LARS1: variants seen among roughly 807,000 people sequenced by gnomAD.
LARS1 encodes leucyl-tRNA synthetase 1, also known as leucine--tRNA ligase, cytoplasmic.
Under a neutral mutation model 162.8 loss-of-function variants are expected in LARS1, and 100 were observed. That is an observed-to-expected ratio of 0.61 (90% CI 0.52 to 0.73). The LOEUF (loss-of-function observed/expected upper bound fraction) is 0.73, where lower values mean the gene tolerates loss of function less well. Among genes scored for constraint, LARS1 ranks in the 30% least tolerant of loss-of-function variants. The pLI is 0.00. For synonymous variants in LARS1, 457 were observed against 462.8 expected (o/e 0.99, Z 0.16); for missense variants, 1,258 against 1,408.9 (o/e 0.89, Z 1.71).
chr5:146,153,131 T>TATC (rs758069135), intron 13 of LARS1, 43 bp downstream of exon 13: 2 of 1,435,040 alleles, frequency 1.4e-6, no homozygotes, highest in Admixed American at 1.8e-5. Context: ...TTTTCTCTGA[T>TATC]AAAGAGATGG....
intron 6 of LARS1, 53 bp downstream of exon 6, chr5:146,164,257 T>C (rs200063676): frequency 1.5e-5 from 23 of 1,518,084 alleles, no homozygotes; most frequent in Non-Finnish European, 1.9e-5. Flanking sequence ...CAAAGCACAA[T>C]AAAAAAGCAC....
chr5:146,122,005 C>G (rs1751843074), intron 30 of LARS1, among the ~76,000 whole-genome samples: 2 of 151,958 alleles, frequency 1.3e-5, no homozygotes, highest in South Asian at 2.1e-4. Flanking sequence ...ACAGAATATC[C>G]AAAACCTTTT....
chr5:146,120,757 A>G (rs1561795242), intron 30 of LARS1, among the ~76,000 whole-genome samples: 1 of 152,218 alleles, frequency 6.6e-6, no homozygotes, highest in Non-Finnish European at 1.5e-5. Flanking sequence ...TTTCTCTTCC[A>G]CAACCACCAT....
intron 20 of LARS1, among the ~76,000 whole-genome samples, chr5:146,141,897 A>G (rs942155132): frequency 6.6e-6 from 1 of 152,140 alleles, no homozygotes; most frequent in African/African-American, 2.4e-5. Flanking sequence ...ACGGTGGCTC[A>G]TGCCTGTAAT....
chr5:146,146,383 G>T (rs1464003076), intron 15 of LARS1, among the ~76,000 whole-genome samples: 1 of 146,786 alleles, frequency 6.8e-6, no homozygotes, highest in Admixed American at 6.9e-5. Context: ...AGAGAGATAA[G>T]GTGAGACTGA....
chr5:146,173,526 G>A (rs185957974), intron 2 of LARS1, among the ~76,000 whole-genome samples: 45 of 148,596 alleles, frequency 3.0e-4, no homozygotes, highest in African/African-American at 1.0e-3. Flanking sequence ...CACTTTAAAC[G>A]CATCCTTTAA....
rs779725172 is a variant in LARS1, at chr5:146,128,767, GTTGT to G, written c.2781_2784del (p.Lys927AsnfsTer49). The G allele has an allele frequency of 2.7e-5, 44 of 1,602,084 alleles. No homozygotes were observed. The highest frequency in any genetic ancestry group is 4.5e-5 in the East Asian group (2 of 44,798). ...GTGCAATGTGAGGGCTTCTGCAGGGGTTGTTTGTCAGTCTTCTAGACGGTAAAAG... is the reference window on the plus strand; with the variant it reads ...GTGCAATGTGAGGGCTTCTGCAGGGGTTGTCAGTCTTCTAGACGGTAAAAG... On this transcript the variant is annotated frameshift_variant, in exon 27 of 32. Transcript: ENST00000394434. LOFTEE classifies it high-confidence loss of function.
In LARS1 at chr5:146,136,915, T is replaced by C. The variant is rs559171348; in HGVS notation, c.2149-1251A>G. On this transcript the variant is annotated intron_variant, in intron 21 of 31. Transcript: ENST00000394434. The stretch of plus-strand genomic sequence containing the variant: ...AACTATTTTCTCCTTTTTCCCTTTT[T>C]TTGAGATGCAGTTTCACTCTTGTCG... Among the ~76,000 whole-genome samples, 5 of 152,372 alleles carry C rather than the reference T, an allele frequency of 3.3e-5. No individual in the cohort carries two copies. The East Asian group carries it at 9.6e-4, about 29-fold the overall frequency.
chr5:146,143,656 A>G, intron 18 of LARS1, 106 bp from the exon 19 acceptor site: 3 of 1,017,822 alleles, frequency 2.9e-6, no homozygotes, highest in Non-Finnish European at 4.3e-6. Flanking sequence ...CTTATTTAGG[A>G]AGCTCTTAAA....
In LARS1 at chr5:146,151,877, T is replaced by C; in HGVS notation, c.1410A>G (p.Lys470=). The stretch of plus-strand genomic sequence containing the variant: ...TATTACTTACACCCTCATAAAATCC[T>C]TTTAGATATATCTTCTCCTTTGCTT... ...LAEAKEKIYL[K]GFYEGIMLVD... The change falls in exon 14 of 32, where the codon AAA becomes AAG. Residue 470 remains lysine (K), a synonymous_variant. Coordinates refer to ENST00000394434, the MANE Select transcript of LARS1 (RefSeq NM_020117.11). The C allele has an allele frequency of 6.2e-7, 1 of 1,613,752 alleles. No homozygotes were observed. Among genetic ancestry groups the C allele is most frequent in the Non-Finnish European group, 8.5e-7 (1 of 1,179,830 alleles).
intron 13 of LARS1, 24 bp from the exon 14 acceptor site, chr5:146,152,026 C>G (rs574466224): frequency 8.1e-6 from 13 of 1,612,520 alleles, no homozygotes; most frequent in Non-Finnish European, 1.1e-5. Context: ...CAATCAGGAA[C>G]GTGTTCACAC....
At chr5:146,171,729 C>G (rs1754288630) in intron 4 of LARS1, among the ~76,000 whole-genome samples, 181 bp downstream of exon 4, 1 of 152,052 alleles carries the variant, frequency 6.6e-6, no homozygotes, top group South Asian at 2.1e-4. Context: ...ATAATGGATG[C>G]CCTTTATTTA....
chr5:146,129,170 C>G, intron 25 of LARS1, 52 bp from the exon 26 acceptor site: 1 of 1,457,424 alleles, frequency 6.9e-7, no homozygotes, highest in Non-Finnish European at 9.3e-7. Context: ...GACAATATAA[C>G]TATTTTACGG....
At chr5:146,157,298 G>T in intron 10 of LARS1, 105 bp downstream of exon 10, 1 of 956,664 alleles carries the variant, frequency 1.0e-6, no homozygotes, top group Non-Finnish European at 1.6e-6. Context: ...TTTACTGCAT[G>T]TACACCTCAT....
rs1248906420 is a variant in LARS1, at chr5:146,160,379, C to T, written c.702G>A (p.Gly234=). Residue 234 remains glycine, a synonymous_variant, in exon 7 of 32, where the codon GGG becomes GGA. Transcript: ENST00000394434. ...CTCAAGTATAACAAACTTACCGCTTCCCAAATTTAATTTTGTTTCTTTCTC... is the reference window on the plus strand; with the variant it reads ...CTCAAGTATAACAAACTTACCGCTTTCCAAATTTAATTTTGTTTCTTTCTC... The part of the protein sequence containing the change: ...TLRERNKIKF[G]KRYTIYSPKD... The T allele has an allele frequency of 5.2e-6, 8 of 1,537,818 alleles. No homozygotes were observed. The highest frequency in any genetic ancestry group is 1.7e-4 in the Middle Eastern group (1 of 5,932).
chr5:146,129,823 A>C (rs186124301), intron 25 of LARS1, among the ~76,000 whole-genome samples, 195 bp downstream of exon 25: 1 of 152,330 alleles, frequency 6.6e-6, no homozygotes, highest in East Asian at 1.9e-4. Flanking sequence ...TTGTGTATAT[A>C]AATAAGGGCA....
At chr5:146,171,833 C>A in intron 4 of LARS1, 77 bp downstream of exon 4, 2 of 990,516 alleles carry the variant, frequency 2.0e-6, no homozygotes, top group Non-Finnish European at 3.1e-6. Flanking sequence ...CTTAAAAATC[C>A]TTTTAAGCTC....
Position 146,142,899 on chromosome 5 carries a change from T to C in LARS1, c.2063A>G (p.Asn688Ser). ...VPNHLSYYLY[N>S]HVAMWPEQSD... The stretch of plus-strand genomic sequence containing the variant: ...TTGTTCCGGCCACATAGCCACATGA[T>C]TATAAAGGTAATATGAAAGATGATT... The change falls in exon 20 of 32, where the codon AAT (asparagine) becomes AGT (serine). Residue 688 changes from asparagine to serine, a missense_variant. Transcript: ENST00000394434. 6.2e-7 allele frequency: 1 copy of C among 1,613,894 alleles called. No homozygotes were observed. The highest frequency in any genetic ancestry group is 8.5e-7 in the Non-Finnish European group (1 of 1,179,868).
intron 20 of LARS1, among the ~76,000 whole-genome samples, chr5:146,140,870 T>G (rs191718185): frequency 6.6e-6 from 1 of 151,798 alleles, no homozygotes; most frequent in Non-Finnish European, 1.5e-5. Context: ...CACACACACA[T>G]ATATATACAC....
Sources: allele counts gnomAD v4.1 joint callset (sites outside exome capture counted in the v4.1 genomes callset), GRCh38; gene constraint gnomAD v4.1.1; transcripts MANE v1.5; gene names NCBI Gene and HGNC (gene_info 2026-07-23, HGNC 2026-07-21).